Variants in ACADM observed in about 807,000 individuals in gnomAD.
The protein encoded by ACADM is acyl-CoA dehydrogenase medium chain, also known as medium-chain specific acyl-CoA dehydrogenase, mitochondrial.
ACADM carries 49 observed loss-of-function variants against 58.9 expected under a neutral mutation model. The observed-to-expected ratio is 0.83, with a 90% CI of 0.66 to 1.06. The LOEUF (loss-of-function observed/expected upper bound fraction) is 1.06, where lower values mean the gene tolerates loss of function less well. Among genes scored for constraint, ACADM ranks in the 50% least tolerant of loss-of-function variants. The pLI, the probability that ACADM is intolerant of heterozygous loss-of-function variation, is 0.00. For missense variants in ACADM, 496 were observed against 507.0 expected (o/e 0.98, Z 0.21); for synonymous variants, 160 against 157.7 (o/e 1.01, Z -0.11).
Position 75,734,181 on chromosome 1 carries a change from TGA to T in ACADM, c.387+556_387+557del, listed in dbSNP as rs1647198538. ...TTGTATTTTTTTTTTTTTTTTTTTT[TGA>T]GACGGAGTCTCACTCTGTTGCCCAG... is the stretch of plus-strand genomic sequence containing the variant. On this transcript the variant is annotated intron_variant, in intron 5 of 11. Transcript: ENST00000370841. 1.5e-4 allele frequency among the ~76,000 whole-genome samples: 16 copies of T among 108,818 alleles called. 1 individual carries two copies. Among genetic ancestry groups the T allele is most frequent in the African/African-American group, 5.1e-4 (14 of 27,518 alleles). The allele number at this position is 108,818 out of a possible 152,430, so 71.4% of individuals were successfully genotyped here.
chr1:75,727,479 A>G (rs554616438), intron 1 of ACADM, among the ~76,000 whole-genome samples: 34 of 152,352 alleles, frequency 2.2e-4, no homozygotes, highest in Non-Finnish European at 3.1e-4. Context: ...CCTTTACTCA[A>G]GAACACCATT....
At position 75,761,243 on chromosome 1, in the gene ACADM, T is replaced by C. The variant is rs2100453278; in HGVS notation, c.1067T>C (p.Ile356Thr). The change falls in exon 11 of 12, where the codon ATT becomes ACT. Residue 356 changes from isoleucine to threonine, a missense_variant. By Grantham distance (89) the Ile-to-Thr change is moderately conservative. Coordinates refer to ENST00000370841, the MANE Select transcript of ACADM (RefSeq NM_000016.6). ...CGTCGAAATACCTATTATGCTTCTA[T>C]TGCAAAGGCATTTGCTGGAGATATT... ...SGRRNTYYAS[I>T]AKAFAGDIAN... 1.2e-6 allele frequency: 2 copies of C among 1,614,202 alleles called. No individual in the cohort carries two copies. The highest frequency in any genetic ancestry group is 1.7e-6 in the Non-Finnish European group (2 of 1,180,038).
intron 10 of ACADM, among the ~76,000 whole-genome samples, chr1:75,760,360 T>G (rs1648762098): frequency 6.8e-6 from 1 of 147,904 alleles, no homozygotes; most frequent in Non-Finnish European, 1.5e-5. Context: ...GGGCAGAGGT[T>G]GCAGTGAGCC....
chr1:75,728,955 T>C (rs958526776), intron 2 of ACADM, among the ~76,000 whole-genome samples: 25 of 152,260 alleles, frequency 1.6e-4, no homozygotes, highest in African/African-American at 6.0e-4. Flanking sequence ...GAGCCATGAT[T>C]TTTTTTCCTC....
At position 75,758,302 on chromosome 1, in the gene ACADM, C is replaced by T. The variant is rs528173513; in HGVS notation, c.946-2820C>T. On this transcript the variant is annotated intron_variant, in intron 10 of 11. Coordinates refer to ENST00000370841, the MANE Select transcript of ACADM (RefSeq NM_000016.6). ...GCCAGGCTGGTCTCAAACTCCTGAC[C>T]TCAGGTGATCCACCCACCTTGGCGT... is the stretch of plus-strand genomic sequence containing the variant. Among the ~76,000 whole-genome samples, 9 of 152,224 alleles carry T rather than the reference C, an allele frequency of 5.9e-5. No individual in the cohort carries two copies. In the South Asian group the frequency reaches 1.9e-3, roughly 32 times the overall value.
chr1:75,754,301 G>T (rs1648378330), intron 10 of ACADM, among the ~76,000 whole-genome samples: 1 of 151,310 alleles, frequency 6.6e-6, no homozygotes, highest in South Asian at 2.1e-4. Flanking sequence ...TCTGCCCCCG[G>T]GGTTCAAGTG....
chr1:75,750,363 G>C, intron 9 of ACADM, 88 bp from the exon 10 acceptor site: 1 of 1,108,052 alleles, frequency 9.0e-7, no homozygotes, highest in Admixed American at 2.0e-5. Flanking sequence ...CCTTCTCTTT[G>C]TACACTCCCT....
chr1:75,731,273 C>G (rs547126674), intron 2 of ACADM, among the ~76,000 whole-genome samples: 1 of 106,090 alleles, frequency 9.4e-6, no homozygotes, highest in Middle Eastern at 4.3e-3. Flanking sequence ...AGCGAGACTC[C>G]GTCTCAAAAA....
At chr1:75,736,585 G>T (rs2792082) in intron 6 of ACADM, among the ~76,000 whole-genome samples, 140,809 of 152,012 alleles carry the variant, frequency 0.93, 65,442 homozygotes, top group African/African-American at 0.97. Context: ...GTTTAGGACA[G>T]GTTGCCCTCC....
chr1:75,743,616 G>C, intron 7 of ACADM: 5 of 1,553,202 alleles, frequency 3.2e-6, no homozygotes, highest in Non-Finnish European at 1.8e-6. Flanking sequence ...CAGACAGGGG[G>C]GTTGATAATG....
intron 2 of ACADM, among the ~76,000 whole-genome samples, chr1:75,729,826 T>C (rs1647119233): frequency 6.6e-6 from 1 of 151,262 alleles, no homozygotes; most frequent in Non-Finnish European, 1.5e-5. Context: ...TCTCTTTCTG[T>C]AGCCAAAGAC....
intron 10 of ACADM, among the ~76,000 whole-genome samples, chr1:75,757,253 C>A (rs949823718): frequency 3.9e-5 from 6 of 152,042 alleles, no homozygotes; most frequent in African/African-American, 1.4e-4. Context: ...AAAGAAACTA[C>A]CATCAGAGTG....
chr1:75,739,963 GT>G lies in ACADM; in HGVS notation c.469-12del. On this transcript the variant is annotated splice_polypyrimidine_tract_variant and intron_variant, in intron 6 of 11. Transcript: ENST00000370841. ...ACTAACATTTAATTTCATTTCTCTTGTTTTTATATATTCAAGGCTTATTGTG... is the reference window on the plus strand; with the variant it reads ...ACTAACATTTAATTTCATTTCTCTTGTTTTATATATTCAAGGCTTATTGTG... 6.3e-7 allele frequency: 1 copy of G among 1,579,992 alleles called. No individual in the cohort carries two copies. Among genetic ancestry groups the G allele is most frequent in the Non-Finnish European group, 8.6e-7 (1 of 1,162,080 alleles).
chr1:75,745,774 T>C, intron 7 of ACADM, 32 bp from the exon 8 acceptor site: 1 of 1,472,612 alleles, frequency 6.8e-7, no homozygotes, highest in Non-Finnish European at 9.5e-7. Flanking sequence ...TTGCCGATAT[T>C]ATCACCATTA....
At chr1:75,742,942 C>T (rs1570881481) in intron 7 of ACADM, among the ~76,000 whole-genome samples, 2 of 151,452 alleles carry the variant, frequency 1.3e-5, no homozygotes, top group East Asian at 3.9e-4. Context: ...TGTTCAATCC[C>T]TCCATACAAG....
At chr1:75,732,623 T>C (rs372633601) in intron 2 of ACADM, 21 bp from the exon 3 acceptor site, 123 of 1,588,344 alleles carry the variant, frequency 7.7e-5, no homozygotes, top group Non-Finnish European at 1.0e-4. Flanking sequence ...GTTTTAACTT[T>C]TCTAAATAAT....
chr1:75,750,472 T>G lies in ACADM; in HGVS notation c.871T>G (p.Leu291Val). 1.2e-6 allele frequency: 2 copies of G among 1,612,074 alleles called. No homozygotes were observed. The highest frequency in any genetic ancestry group is 1.7e-6 in the Non-Finnish European group (2 of 1,179,646). Residue 291 changes from leucine (L) to valine (V), a missense_variant, in exon 10 of 12, where the codon TTA becomes GTA. Transcript: ENST00000370841. The part of the protein sequence containing the change: ...RPVVAAGAVG[L>V]AQRALDEATK... ...CTAGGTAGCTGCTGGTGCTGTTGGA[T>G]TAGCACAAAGAGCTTTGGATGAAGC...
At chr1:75,758,162 A>T (rs973713016) in intron 10 of ACADM, among the ~76,000 whole-genome samples, 3 of 152,004 alleles carry the variant, frequency 2.0e-5, no homozygotes, top group Non-Finnish European at 4.4e-5. Context: ...TCCTGGGTTC[A>T]ATTGATTCTC....
intron 7 of ACADM, chr1:75,744,005 TACTC>T: frequency 6.4e-7 from 1 of 1,570,512 alleles, no homozygotes; most frequent in Non-Finnish European, 8.8e-7. Context: ...TTCTGGATGT[TACTC>T]ACATCAATCT....
Sources: allele counts gnomAD v4.1 joint callset (sites outside exome capture counted in the v4.1 genomes callset), GRCh38; gene constraint gnomAD v4.1.1; transcripts MANE v1.5; gene names NCBI Gene and HGNC (gene_info 2026-07-23, HGNC 2026-07-21).